The following TXNDC16 variants were observed in gnomAD, a reference collection of about 807,000 sequenced individuals.
TXNDC16 encodes the protein thioredoxin domain containing 16.
In TXNDC16, 74 loss-of-function variants were observed where a neutral mutation model predicts 85.6. The observed-to-expected ratio is 0.86, with a 90% CI of 0.72 to 1.05. The LOEUF is 1.05. TXNDC16 is among the 50% of genes least tolerant of loss of function. The pLI is 0.00. For missense variants in TXNDC16, 959 were observed against 947.0 expected (o/e 1.01, Z -0.17); for synonymous variants, 335 against 326.5 (o/e 1.03, Z -0.28).
chr14:52,470,230 A>T (rs544536739), intron 15 of TXNDC16, 57 bp from the exon 16 acceptor site: 169 of 1,230,240 alleles, frequency 1.4e-4, no homozygotes, highest in Admixed American at 3.8e-4. Context: ...TTCAGTTTGT[A>T]AAAAAAAAGC....
intron 14 of TXNDC16, among the ~76,000 whole-genome samples, chr14:52,479,430 A>G (rs924198198): frequency 6.6e-6 from 1 of 152,178 alleles, no homozygotes; most frequent in African/African-American, 2.4e-5. Flanking sequence ...ACTCATCCAG[A>G]AAGTTCCTAG....
intron 1 of TXNDC16, among the ~76,000 whole-genome samples, chr14:52,547,711 A>G (rs2037968444): frequency 1.3e-5 from 2 of 152,194 alleles, no homozygotes; most frequent in Admixed American, 1.3e-4. Context: ...TATGTGTTCA[A>G]CAGGGGGTGG....
rs1309177829 is a variant in TXNDC16, at chr14:52,532,838, T to A, written c.392+3881A>T. Among the ~76,000 whole-genome samples, 3 of 152,082 alleles carry A rather than the reference T, an allele frequency of 2.0e-5. No individual in the cohort carries two copies. The East Asian group carries it at 5.8e-4, about 29-fold the overall frequency. ...GTATTTCAAACTGATGGTTTTAGCA[T>A]CCAAAAGTAAGAAGATAGGTTGTTC... On this transcript the variant is annotated intron_variant, in intron 6 of 20. Transcript: ENST00000281741.
Position 52,431,427 on chromosome 14 carries a change from T to C in TXNDC16, c.*877A>G, listed in dbSNP as rs573607123. 6.6e-6 allele frequency: 1 copy of C among 152,216 alleles called. No homozygotes were observed. Among genetic ancestry groups the C allele is most frequent in the South Asian group, 2.1e-4 (1 of 4,832 alleles). 9.4% of individuals were successfully genotyped at this position (152,216 alleles called of 1,614,324 possible). A position where few individuals can be genotyped will look rare whatever the true frequency, so the allele number is the denominator to read the frequency against. Reference sequence around the variant, plus strand: ...GTTATCCCATCACTTTCTGAAAATATTAGAAAAGATCAAGTTGTATCCAGG... The same window carrying C: ...GTTATCCCATCACTTTCTGAAAATACTAGAAAAGATCAAGTTGTATCCAGG... On this transcript the variant is annotated 3_prime_UTR_variant, in exon 21 of 21. Transcript: ENST00000281741.
chr14:52,514,866 C>A lies in TXNDC16; in HGVS notation c.605+14G>T. The stretch of plus-strand genomic sequence containing the variant: ...AAAACCTTTAAATTGTTGACATATG[C>A]TTTTTATACATACCCAATACTTTCC... On this transcript the variant is annotated intron_variant, in intron 8 of 20. Transcript: ENST00000281741. 1 of 1,576,894 alleles carries A rather than the reference C, an allele frequency of 6.3e-7. No homozygotes were observed. Among genetic ancestry groups the A allele is most frequent in the Non-Finnish European group, 8.6e-7 (1 of 1,160,136 alleles).
chr14:52,446,967 A>G (rs2035298951), intron 18 of TXNDC16, among the ~76,000 whole-genome samples: 1 of 150,690 alleles, frequency 6.6e-6, no homozygotes, highest in South Asian at 2.1e-4. Flanking sequence ...GGTGAGACTA[A>G]GCACATTCTT....
chr14:52,497,194 C>G (rs1208727911), intron 9 of TXNDC16, among the ~76,000 whole-genome samples: 1 of 151,960 alleles, frequency 6.6e-6, no homozygotes. Context: ...TTATAAAAGA[C>G]TATTATGAGC....
chr14:52,506,911 T>C (rs928138013), intron 9 of TXNDC16, among the ~76,000 whole-genome samples: 3 of 151,270 alleles, frequency 2.0e-5, no homozygotes, highest in Non-Finnish European at 2.9e-5. Flanking sequence ...ATGGGATGTA[T>C]CTCAAAATAA....
intron 7 of TXNDC16, among the ~76,000 whole-genome samples, chr14:52,515,193 G>A (rs1048864340): frequency 6.6e-6 from 1 of 152,140 alleles, no homozygotes; most frequent in Non-Finnish European, 1.5e-5. Context: ...AGTAGAAAAT[G>A]AGTTTTTACT....
At chr14:52,510,078 A>G (rs554912557) in intron 9 of TXNDC16, among the ~76,000 whole-genome samples, 1 of 152,326 alleles carries the variant, frequency 6.6e-6, no homozygotes, top group African/African-American at 2.4e-5. Context: ...ATGCTTTTTA[A>G]GAAGAGGGAA....
Position 52,529,679 on chromosome 14 carries a change from T to C in TXNDC16, c.392+7040A>G, listed in dbSNP as rs1183577965. ...TATATAATGCCTATTATATATAATA[T>C]ATATAATGCCTATTATATATAATAT... On this transcript the variant is annotated intron_variant, in intron 6 of 20. Transcript: ENST00000281741. Among the ~76,000 whole-genome samples, 325 of 109,868 alleles carry C rather than the reference T, an allele frequency of 3.0e-3. 13 individuals are homozygous for C. The highest frequency in any genetic ancestry group is 0.012 in the African/African-American group (304 of 24,802). The allele number at this position is 109,868 out of a possible 152,430, so 72.1% of individuals were successfully genotyped here.
intron 5 of TXNDC16, among the ~76,000 whole-genome samples, chr14:52,537,124 G>T (rs1221789210): frequency 6.6e-6 from 1 of 151,374 alleles, no homozygotes; most frequent in Non-Finnish European, 1.5e-5. Flanking sequence ...TGGGAAGAAG[G>T]CAAGAAGGAA....
intron 9 of TXNDC16, among the ~76,000 whole-genome samples, chr14:52,507,273 G>A (rs1030842394): frequency 6.6e-6 from 1 of 152,114 alleles, no homozygotes; most frequent in African/African-American, 2.4e-5. Context: ...ACCAAGGACA[G>A]ACAAACAGAG....
At chr14:52,433,317 T>G (rs572302898) in intron 20 of TXNDC16, among the ~76,000 whole-genome samples, 1 of 152,166 alleles carries the variant, frequency 6.6e-6, no homozygotes, top group African/African-American at 2.4e-5. Flanking sequence ...GCTGATAACA[T>G]AGAGATAAAT....
chr14:52,486,416 TGG>T (rs2036273470), intron 12 of TXNDC16, among the ~76,000 whole-genome samples: 1 of 151,892 alleles, frequency 6.6e-6, no homozygotes, highest in African/African-American at 2.4e-5. Context: ...CCCAAGGAGC[TGG>T]GATTACAGGC....
intron 17 of TXNDC16, among the ~76,000 whole-genome samples, chr14:52,456,120 G>A (rs1222088688): frequency 6.6e-6 from 1 of 152,182 alleles, no homozygotes; most frequent in South Asian, 2.1e-4. Flanking sequence ...AAAATTACTA[G>A]TGAAGTAGTC....
chr14:52,505,398 C>G (rs2036771516), intron 9 of TXNDC16, among the ~76,000 whole-genome samples: 1 of 152,186 alleles, frequency 6.6e-6, no homozygotes, highest in Non-Finnish European at 1.5e-5. Context: ...AACTAGAACT[C>G]AGGATTCAGA....
chr14:52,460,462 A>G (rs938162472), intron 16 of TXNDC16, among the ~76,000 whole-genome samples: 1 of 152,214 alleles, frequency 6.6e-6, no homozygotes, highest in Admixed American at 6.5e-5. Flanking sequence ...AAGGTTGAAC[A>G]TTATCTTCTG....
intron 9 of TXNDC16, among the ~76,000 whole-genome samples, chr14:52,498,213 G>A (rs2036577233): frequency 1.3e-5 from 2 of 152,080 alleles, no homozygotes; most frequent in South Asian, 4.1e-4. Flanking sequence ...AAAAAACTGT[G>A]AACTTTCCCT....
Sources: allele counts gnomAD v4.1 joint callset (sites outside exome capture counted in the v4.1 genomes callset), GRCh38; gene constraint gnomAD v4.1.1; transcripts MANE v1.5; gene names NCBI Gene and HGNC (gene_info 2026-07-23, HGNC 2026-07-21).